Variants in TSPAN9 observed in about 807,000 individuals in gnomAD.
TSPAN9 encodes tetraspanin 9, also known as tetraspanin-9.
Under a neutral mutation model 31.0 loss-of-function variants are expected in TSPAN9, and 16 were observed. The ratio of observed to expected loss-of-function variants is 0.52; its 90% confidence interval spans 0.35 to 0.78. TSPAN9 has a LOEUF of 0.78. TSPAN9 is among the 30% of genes least tolerant of loss of function. The pLI is 0.01. For synonymous variants in TSPAN9, 145 were observed against 121.6 expected (o/e 1.19, Z -1.27); for missense variants, 272 against 312.5 (o/e 0.87, Z 0.98).
chr12:3,180,897 T>C (rs578105560), intron 2 of TSPAN9, among the ~76,000 whole-genome samples: 4 of 152,304 alleles, frequency 2.6e-5, no homozygotes, highest in South Asian at 2.1e-4. Flanking sequence ...AGTTATTCTA[T>C]TTTTCTGTGC....
At chr12:3,131,896 CCTGA>C (rs1255849155) in intron 2 of TSPAN9, among the ~76,000 whole-genome samples, 13 of 152,266 alleles carry the variant, frequency 8.5e-5, no homozygotes, top group South Asian at 4.1e-4. Flanking sequence ...TCTTCATCAC[CCTGA>C]CTATGAATCC....
intron 2 of TSPAN9, among the ~76,000 whole-genome samples, chr12:3,193,967 T>C (rs6489445): frequency 0.94 from 143,139 of 152,266 alleles, 67,944 homozygotes; most frequent in Non-Finnish European, 1. Context: ...TGTTTCAGCT[T>C]GTCAGGTTCA....
rs146793122 is a variant in TSPAN9 at position 3,187,951 on chromosome 12, C to T, written c.-17-13226C>T. ...CCCAGATGCAGATGGAGCGTTTGCTCTGTAATGCTAATTCTCCTTGGCAGC... is the reference window on the plus strand; with the variant it reads ...CCCAGATGCAGATGGAGCGTTTGCTTTGTAATGCTAATTCTCCTTGGCAGC... On this transcript the variant is annotated intron_variant, in intron 2 of 8. Transcript: ENST00000011898. The surrounding 1 kb of genome is among the most constrained non-coding windows in gnomAD (Gnocchi z 5.2). Among the ~76,000 whole-genome samples the T allele has an allele frequency of 3.8e-3, 572 of 152,296 alleles. 3 individuals are homozygous for T. The highest frequency in any genetic ancestry group is 0.013 in the African/African-American group (540 of 41,568).
At chr12:3,175,952 C>T (rs899799854) in intron 2 of TSPAN9, among the ~76,000 whole-genome samples, 1 of 152,202 alleles carries the variant, frequency 6.6e-6, no homozygotes, top group South Asian at 2.1e-4. Flanking sequence ...GGGCACTGCT[C>T]AGCCCTGCCT....
intron 2 of TSPAN9, among the ~76,000 whole-genome samples, chr12:3,128,921 C>T (rs535074980): frequency 6.6e-6 from 1 of 152,258 alleles, no homozygotes; most frequent in Admixed American, 6.5e-5. Context: ...TGATAACTTC[C>T]CATTCTCCCC....
intron 2 of TSPAN9, among the ~76,000 whole-genome samples, chr12:3,181,072 G>A (rs1024293769): frequency 1.3e-5 from 2 of 151,900 alleles, no homozygotes; most frequent in Non-Finnish European, 2.9e-5. Flanking sequence ...GATGGGTGGG[G>A]GGGATGTTTG....
At chr12:3,203,378 G>A (rs2098373117) in intron 3 of TSPAN9, among the ~76,000 whole-genome samples, 1 of 152,216 alleles carries the variant, frequency 6.6e-6, no homozygotes, top group Admixed American at 6.5e-5. Context: ...TCCACTTGAT[G>A]GGGAAGAGAA....
chr12:3,218,815 A>G (rs940492055), intron 3 of TSPAN9, among the ~76,000 whole-genome samples: 2 of 152,138 alleles, frequency 1.3e-5, no homozygotes, highest in Admixed American at 6.5e-5. Context: ...TAACAAATGC[A>G]TCTGGCTGGA....
intron 3 of TSPAN9, among the ~76,000 whole-genome samples, chr12:3,228,259 G>C (rs752983939): frequency 2.2e-4 from 34 of 152,182 alleles, no homozygotes; most frequent in Non-Finnish European, 4.0e-4. Flanking sequence ...CAGCTACTTG[G>C]GGGGCTGAGG....
At chr12:3,117,774 C>T (rs2098323114) in intron 2 of TSPAN9, among the ~76,000 whole-genome samples, 1 of 152,240 alleles carries the variant, frequency 6.6e-6, no homozygotes, top group Non-Finnish European at 1.5e-5. Context: ...ATGGGAACAG[C>T]ACATCCCAGG....
At chr12:3,271,835 C>T (rs1862683745) in intron 3 of TSPAN9, among the ~76,000 whole-genome samples, 1 of 152,176 alleles carries the variant, frequency 6.6e-6, no homozygotes. Flanking sequence ...GTCTGAAATA[C>T]AAAGCAGCGG....
chr12:3,087,756 A>G (rs926134667), intron 2 of TSPAN9, among the ~76,000 whole-genome samples: 9 of 151,894 alleles, frequency 5.9e-5, no homozygotes, highest in Non-Finnish European at 1.2e-4. Flanking sequence ...CAGTGAGCCA[A>G]TATTGGCCAC....
At chr12:3,091,983 C>A (rs567191997) in intron 2 of TSPAN9, among the ~76,000 whole-genome samples, 2 of 152,334 alleles carry the variant, frequency 1.3e-5, no homozygotes, top group African/African-American at 4.8e-5. Flanking sequence ...GATCAGCTCA[C>A]AGGTTTTATA....
chr12:3,214,910 C>CGTCTTCAG (rs2098380578), intron 3 of TSPAN9, among the ~76,000 whole-genome samples: 1 of 151,730 alleles, frequency 6.6e-6, no homozygotes, highest in Non-Finnish European at 1.5e-5. Flanking sequence ...CCCCTGAACA[C>CGTCTTCAG]GTCTTCAGGG....
chr12:3,205,675 G>A (rs549205696), intron 3 of TSPAN9, among the ~76,000 whole-genome samples: 4 of 151,984 alleles, frequency 2.6e-5, no homozygotes, highest in Non-Finnish European at 4.4e-5. Context: ...GCATCTCCAG[G>A]CAGAGGAGAC....
At chr12:3,221,148 G>T (rs2098384302) in intron 3 of TSPAN9, among the ~76,000 whole-genome samples, 1 of 144,898 alleles carries the variant, frequency 6.9e-6, no homozygotes, top group African/African-American at 2.6e-5. Context: ...TGACTGGGCA[G>T]TCCTCTTGTT....
chr12:3,282,922 C>T, intron 8 of TSPAN9, 123 bp from the exon 9 acceptor site: 1 of 873,186 alleles, frequency 1.1e-6, no homozygotes. Flanking sequence ...AAGCATTTTC[C>T]TGGCACACCA....
rs71577826 is a variant in TSPAN9 at position 3,284,125 on chromosome 12, C to T, written c.*1009C>T. ...CTTCCTCCCGCTCTCTGCTGGCACGCGAGGCTTCCCCTTCCACCCCATGTG... is the reference window on the plus strand; with the variant it reads ...CTTCCTCCCGCTCTCTGCTGGCACGTGAGGCTTCCCCTTCCACCCCATGTG... On this transcript the variant is annotated 3_prime_UTR_variant, in exon 9 of 9. Transcript: ENST00000011898. 9.0e-3 allele frequency: 1,377 copies of T among 152,852 alleles called. 20 individuals carry two copies. The highest frequency in any genetic ancestry group is 0.03 in the African/African-American group (1,229 of 41,574). The allele number at this position is 152,852 out of a possible 1,614,324, so 9.5% of individuals were successfully genotyped here.
At chr12:3,186,546 TTGTGTGTG>T (rs61329208) in intron 2 of TSPAN9, among the ~76,000 whole-genome samples, 108 of 135,958 alleles carry the variant, frequency 7.9e-4, no homozygotes, top group Non-Finnish European at 1.1e-3. Flanking sequence ...AGGAGTTTGT[TTGTGTGTG>T]TGTGTGTGTG....
Sources: allele counts gnomAD v4.1 joint callset (sites outside exome capture counted in the v4.1 genomes callset), GRCh38; gene constraint gnomAD v4.1.1; non-coding constraint Gnocchi (gnomAD v3.1); transcripts MANE v1.5; gene names NCBI Gene and HGNC (gene_info 2026-07-23, HGNC 2026-07-21).